Variants in GALK2 observed in about 807,000 individuals in gnomAD.
The protein encoded by GALK2 is N-acetylgalactosamine kinase.
In GALK2, 36 loss-of-function variants were observed where a neutral mutation model predicts 52.4. The ratio of observed to expected loss-of-function variants is 0.69; its 90% confidence interval spans 0.53 to 0.91. GALK2 has a LOEUF of 0.91. Among genes scored for constraint, GALK2 ranks in the 40% least tolerant of loss-of-function variants. The probability of loss-of-function intolerance (pLI) is 0.00; values close to 1 mark genes in which losing one functional copy is unlikely to be tolerated. For synonymous variants in GALK2, 176 were observed against 199.1 expected (o/e 0.88, Z 0.98); for missense variants, 579 against 559.1 (o/e 1.04, Z -0.36).
intron 1 of GALK2, chr15:49,156,222 A>C: frequency 1.7e-6 from 1 of 573,058 alleles, no homozygotes; most frequent in Non-Finnish European, 3.1e-6. Context: ...TTGTTCAACG[A>C]GTTGTAAACT....
intron 5 of GALK2, among the ~76,000 whole-genome samples, chr15:49,277,205 G>T (rs2031913511): frequency 1.3e-5 from 1 of 77,232 alleles, no homozygotes; most frequent in Admixed American, 1.6e-4. Flanking sequence ...GTCTCGCTCT[G>T]TCGCCCAGGC....
At chr15:49,345,877 A>T (rs1202555182) in intron 3 of GALK2, among the ~76,000 whole-genome samples, 4 of 152,166 alleles carry the variant, frequency 2.6e-5, no homozygotes, top group Non-Finnish European at 5.9e-5. Context: ...AAGCTTCTAG[A>T]AGTGAAGTAC....
chr15:49,335,718 T>C (rs1567093120), downstream of GALK2, among the ~76,000 whole-genome samples: 1 of 152,226 alleles, frequency 6.6e-6, no homozygotes, highest in Non-Finnish European at 1.5e-5. Context: ...ACAGCAACCA[T>C]AGGGCACTAT....
At chr15:49,357,203 A>T (rs939347723) in intron 3 of GALK2, among the ~76,000 whole-genome samples, 34 of 149,944 alleles carry the variant, frequency 2.3e-4, no homozygotes, top group African/African-American at 7.9e-4. Flanking sequence ...ACACATTCAA[A>T]AGCTAGCAGA....
chr15:49,183,704 G>A (rs1449910388), intron 1 of GALK2, among the ~76,000 whole-genome samples: 1 of 152,164 alleles, frequency 6.6e-6, no homozygotes, highest in East Asian at 1.9e-4. Context: ...TTAGCCAGGC[G>A]TGGTGGCACA....
At position 49,253,908 on chromosome 15, in the gene GALK2, A is replaced by G. The variant is rs16962211; in HGVS notation, c.504+14541A>G. Among the ~76,000 whole-genome samples, 158 of 144,314 alleles carry G rather than the reference A, an allele frequency of 1.1e-3. 29 individuals are homozygous for G. In the Middle Eastern group the frequency reaches 0.028, roughly 25 times the overall value. The allele number at this position is 144,314 out of a possible 152,430, so 94.7% of individuals were successfully genotyped here. A position where few individuals can be genotyped will look rare whatever the true frequency, so the allele number is the denominator to read the frequency against. ...GTTGAGGGGCACAGTCATTGGGTGG[A>G]TAGGCTTAGGTTCATTCAGCCCTTC... On this transcript the variant is annotated intron_variant, in intron 5 of 9. Coordinates refer to ENST00000560031, the MANE Select transcript of GALK2 (RefSeq NM_002044.4).
intron 3 of GALK2, among the ~76,000 whole-genome samples, chr15:49,355,904 C>G: frequency 6.6e-6 from 1 of 151,932 alleles, no homozygotes; most frequent in East Asian, 1.9e-4. Context: ...GGCAGAAACC[C>G]TACAAGCCAG....
At position 49,300,679 on chromosome 15, in the gene GALK2, C is replaced by T. The variant is rs563447322; in HGVS notation, c.967+8142C>T. Among the ~76,000 whole-genome samples the T allele has an allele frequency of 8.7e-4, 133 of 152,150 alleles. 1 individual carries two copies. Among genetic ancestry groups the T allele is most frequent in the African/African-American group, 3.0e-3 (124 of 41,504 alleles). The stretch of plus-strand genomic sequence containing the variant: ...GTTTTCATGATTGTGAGTGAGTTCT[C>T]TTGAGAACTGATGGTTTTATAAGGG... On this transcript the variant is annotated intron_variant, in intron 8 of 9. Transcript: ENST00000560031.
intron 3 of GALK2, among the ~76,000 whole-genome samples, chr15:49,367,275 A>G (rs946323567): frequency 2.6e-5 from 4 of 152,236 alleles, no homozygotes; most frequent in Non-Finnish European, 5.9e-5. Flanking sequence ...TAGATCTAAT[A>G]AAGAAAAGCC....
intron 9 of GALK2, among the ~76,000 whole-genome samples, chr15:49,325,647 C>A (rs2037349470): frequency 6.6e-6 from 1 of 152,190 alleles, no homozygotes; most frequent in South Asian, 2.1e-4. Flanking sequence ...CTGGGGCAGC[C>A]CTGACTTGTG....
chr15:49,320,008 T>C (rs2036754070), intron 9 of GALK2, among the ~76,000 whole-genome samples: 1 of 152,172 alleles, frequency 6.6e-6, no homozygotes. Context: ...TCCATGATTT[T>C]ATGAGGCTCT....
In GALK2 at chr15:49,249,722, T is replaced by C. The variant is rs145610012; in HGVS notation, c.504+10355T>C. Among the ~76,000 whole-genome samples, 36 of 152,354 alleles carry C rather than the reference T, an allele frequency of 2.4e-4. No homozygotes were observed. The East Asian group carries it at 6.9e-3, about 29-fold the overall frequency. ...GAAGCAAAATTTATTCAAAGAGCTGTGCTAACATTCTTAAATATCTGCTAG... is the reference window on the plus strand; with the variant it reads ...GAAGCAAAATTTATTCAAAGAGCTGCGCTAACATTCTTAAATATCTGCTAG... On this transcript the variant is annotated intron_variant, in intron 5 of 9. Transcript: ENST00000560031.
chr15:49,265,816 A>T (rs1286484587), intron 5 of GALK2, among the ~76,000 whole-genome samples: 1 of 152,230 alleles, frequency 6.6e-6, no homozygotes, highest in Non-Finnish European at 1.5e-5. Flanking sequence ...AAGATAAAAT[A>T]TTCCAAAAGC....
chr15:49,171,981 C>T (rs1392670114), intron 1 of GALK2, among the ~76,000 whole-genome samples: 2 of 152,152 alleles, frequency 1.3e-5, no homozygotes, highest in East Asian at 3.9e-4. Context: ...CCATGTTGGC[C>T]AGGCTGGTCT....
intron 8 of GALK2, among the ~76,000 whole-genome samples, chr15:49,308,942 T>C (rs961357300): frequency 2.0e-5 from 3 of 152,146 alleles, no homozygotes; most frequent in Non-Finnish European, 4.4e-5. Context: ...AAATCTGCTG[T>C]GTGTATGTTG....
intron 5 of GALK2, among the ~76,000 whole-genome samples, chr15:49,257,334 C>T (rs994059429): frequency 6.6e-6 from 1 of 152,128 alleles, no homozygotes; most frequent in South Asian, 2.1e-4. Context: ...AATTTTGTCA[C>T]CTGCCTCTTA....
chr15:49,361,583 G>A (rs2044245522), intron 3 of GALK2, among the ~76,000 whole-genome samples: 1 of 152,074 alleles, frequency 6.6e-6, no homozygotes, highest in South Asian at 2.1e-4. Context: ...GATCTTGTTA[G>A]TTTTTATGGC....
intron 3 of GALK2, among the ~76,000 whole-genome samples, chr15:49,361,634 A>G (rs1054961402): frequency 5.9e-5 from 9 of 151,932 alleles, no homozygotes; most frequent in Admixed American, 5.9e-4. Flanking sequence ...CGTTTTCTTT[A>G]CCTAGTCCTG....
intron 8 of GALK2, among the ~76,000 whole-genome samples, chr15:49,318,609 T>C (rs1395141576): frequency 6.6e-6 from 1 of 152,330 alleles, no homozygotes; most frequent in South Asian, 2.1e-4. Flanking sequence ...TCTTATTTTC[T>C]TCTATGATAA....
Sources: allele counts gnomAD v4.1 joint callset (sites outside exome capture counted in the v4.1 genomes callset), GRCh38; gene constraint gnomAD v4.1.1; transcripts MANE v1.5; gene names NCBI Gene and HGNC (gene_info 2026-07-23, HGNC 2026-07-21).